KAZN: variants seen among roughly 807,000 people sequenced by gnomAD.
KAZN encodes the protein kazrin, periplakin interacting protein.
A neutral mutation model predicts 87.4 loss-of-function variants in KAZN; 40 were observed. The observed-to-expected ratio is 0.46, with a 90% CI of 0.36 to 0.60. The LOEUF (loss-of-function observed/expected upper bound fraction) is 0.60. Among genes scored for constraint, KAZN ranks in the 20% least tolerant of loss-of-function variants. The pLI is 0.00. For synonymous variants in KAZN, 466 were observed against 458.3 expected (o/e 1.02, Z -0.22); for missense variants, 898 against 1,073.9 (o/e 0.84, Z 2.29).
intron 1 of KAZN, among the ~76,000 whole-genome samples, chr1:14,826,017 T>C (rs1234736804): frequency 6.6e-6 from 1 of 152,150 alleles, no homozygotes; most frequent in Non-Finnish European, 1.5e-5. Flanking sequence ...AGAGATTCAA[T>C]TGCTCCTCAA....
intron 2 of KAZN, among the ~76,000 whole-genome samples, chr1:14,368,955 TC>T: frequency 6.6e-6 from 1 of 152,278 alleles, no homozygotes; most frequent in Non-Finnish European, 1.5e-5. Flanking sequence ...CCATTTCTGG[TC>T]CTGATCTTAT....
chr1:14,512,844 C>T (rs773659844), intron 2 of KAZN, among the ~76,000 whole-genome samples: 2 of 152,200 alleles, frequency 1.3e-5, no homozygotes, highest in South Asian at 2.1e-4. Flanking sequence ...TCAGATCTGA[C>T]AACCAGGACG....
At chr1:15,052,277 A>G (rs1163749534) in intron 4 of KAZN, among the ~76,000 whole-genome samples, 1 of 152,186 alleles carries the variant, frequency 6.6e-6, no homozygotes, top group East Asian at 1.9e-4. Flanking sequence ...AGGCCTCACA[A>G]TCATAGTGAA....
chr1:15,020,215 G>A (rs61772181), intron 2 of KAZN, among the ~76,000 whole-genome samples: 20,070 of 152,246 alleles, frequency 0.13, 1,704 homozygotes, highest in Admixed American at 0.21. Context: ...ACTAGTCACT[G>A]TTCCGAGGGC....
At chr1:14,403,740 G>C (rs983335037) in intron 2 of KAZN, among the ~76,000 whole-genome samples, 3 of 152,178 alleles carry the variant, frequency 2.0e-5, no homozygotes, top group African/African-American at 7.2e-5. Context: ...ATCTGTGGAG[G>C]AAAGTTTAAA....
At chr1:13,958,252 C>A (rs988614697) in intron 1 of KAZN, among the ~76,000 whole-genome samples, 1 of 152,158 alleles carries the variant, frequency 6.6e-6, no homozygotes, top group African/African-American at 2.4e-5. Context: ...TAGCCTTATA[C>A]TTTTCCTTAA....
At chr1:14,327,309 A>G (rs1443793643) in intron 2 of KAZN, among the ~76,000 whole-genome samples, 1 of 151,790 alleles carries the variant, frequency 6.6e-6, no homozygotes, top group Non-Finnish European at 1.5e-5. Context: ...CAGGTTGGAA[A>G]CCTCTGACCA....
intron 2 of KAZN, among the ~76,000 whole-genome samples, chr1:14,554,787 C>T (rs1557797070): frequency 6.6e-6 from 1 of 152,216 alleles, no homozygotes; most frequent in African/African-American, 2.4e-5. Flanking sequence ...GAAATCCTCT[C>T]CTATTTTCCT....
intron 1 of KAZN, among the ~76,000 whole-genome samples, chr1:14,161,515 G>A (rs182216903): frequency 2.6e-5 from 4 of 152,320 alleles, no homozygotes; most frequent in Non-Finnish European, 5.9e-5. Context: ...CACAACTTCA[G>A]TTGACTTCCT....
At chr1:14,018,765 C>G (rs1640686566) in intron 1 of KAZN, among the ~76,000 whole-genome samples, 1 of 152,196 alleles carries the variant, frequency 6.6e-6, no homozygotes, top group Non-Finnish European at 1.5e-5. Flanking sequence ...ACTCTAGGTT[C>G]TCTGGCCTTT....
chr1:15,021,126 C>G lies in KAZN; in HGVS notation c.419-13623C>G, dbSNP rs1462141506. Among the ~76,000 whole-genome samples, 1 of 152,122 alleles carries G rather than the reference C, an allele frequency of 6.6e-6. No individual in the cohort carries two copies. The highest frequency in any genetic ancestry group is 1.9e-4 in the East Asian group (1 of 5,180). On this transcript the variant is annotated intron_variant, in intron 2 of 14. Coordinates refer to ENST00000376030, the MANE Select transcript of KAZN (RefSeq NM_201628.3). This position sits in a 1 kb window ranked among gnomAD's most constrained non-coding sequence, Gnocchi z 4.2. Reference sequence around the variant, plus strand: ...AACCCAGAGAGGGTGCCTGAGTTCCCAAGGCCACACAGCATGCGGGTTTGC... The same window carrying G: ...AACCCAGAGAGGGTGCCTGAGTTCCGAAGGCCACACAGCATGCGGGTTTGC...
intron 2 of KAZN, among the ~76,000 whole-genome samples, chr1:14,533,786 TG>T (rs1672337459): frequency 1.3e-5 from 2 of 152,202 alleles, no homozygotes; most frequent in Non-Finnish European, 2.9e-5. Context: ...TAAATGACTC[TG>T]GTATATTTTA....
rs55928646 is a variant in KAZN, at chr1:14,146,536, C to CAA, written c.92-33879_92-33878dup. ...GGGCAACAAGAGTGAAACTCCATCT[C>CAA]AAAAAAAAAAAAAAAAAAAAAGAAA... is the stretch of plus-strand genomic sequence containing the variant. On this transcript the variant is annotated intron_variant, in intron 1 of 16. Coordinates refer to the KAZN transcript ENST00000636203. 2.5e-3 allele frequency among the ~76,000 whole-genome samples: 159 copies of CAA among 63,390 alleles called. 2 individuals are homozygous for CAA. Among genetic ancestry groups the CAA allele is most frequent in the East Asian group, 3.7e-3 (5 of 1,344 alleles). 41.6% of individuals were successfully genotyped at this position (63,390 alleles called of 152,430 possible).
chr1:15,094,823 G>A lies in KAZN; in HGVS notation c.1437G>A (p.Leu479=). Residue 479 remains leucine (L), a synonymous_variant, in exon 10 of 15, where the codon CTG becomes CTA. Transcript: ENST00000376030. This position sits in a 1 kb window ranked among gnomAD's most constrained non-coding sequence, Gnocchi z 4.5. The part of the protein sequence containing the change: ...TENVKSGKVL[L]SLSDEDLQLG... Reference sequence around the variant, plus strand: ...CTCCCTCCCGGGGGCAGGTGCTGCTGAGCCTGAGTGACGAGGACCTGCAGC... The same window carrying A: ...CTCCCTCCCGGGGGCAGGTGCTGCTAAGCCTGAGTGACGAGGACCTGCAGC... 6.5e-7 allele frequency: 1 copy of A among 1,549,906 alleles called. No homozygotes were observed. The highest frequency in any genetic ancestry group is 8.7e-7 in the Non-Finnish European group (1 of 1,146,236).
At chr1:14,659,970 C>T (rs1639044465) in intron 1 of KAZN, among the ~76,000 whole-genome samples, 1 of 151,148 alleles carries the variant, frequency 6.6e-6, no homozygotes, top group Non-Finnish European at 1.5e-5. Flanking sequence ...TTTTTCTTTC[C>T]CAACTGAAGG....
At chr1:14,800,278 C>G (rs377428306) in intron 1 of KAZN, among the ~76,000 whole-genome samples, 2 of 152,326 alleles carry the variant, frequency 1.3e-5, no homozygotes, top group African/African-American at 4.8e-5. Flanking sequence ...ACAAACACTC[C>G]TATGAGCGTT....
intron 1 of KAZN, among the ~76,000 whole-genome samples, chr1:14,178,825 G>A (rs1646137145): frequency 6.6e-6 from 1 of 152,028 alleles, no homozygotes; most frequent in African/African-American, 2.4e-5. Context: ...TTTTTTGGCA[G>A]GTATTTTAGT....
chr1:14,258,268 T>G (rs1451528120), intron 2 of KAZN, among the ~76,000 whole-genome samples: 3 of 148,674 alleles, frequency 2.0e-5, no homozygotes, highest in African/African-American at 7.5e-5. Context: ...CAGGCTGGAG[T>G]GCAGTGGTGC....
At chr1:14,750,424 C>G (rs540060131) in intron 1 of KAZN, among the ~76,000 whole-genome samples, 1 of 152,280 alleles carries the variant, frequency 6.6e-6, no homozygotes, top group East Asian at 1.9e-4. Flanking sequence ...CGAAGTTTTA[C>G]GTGCTCCCTA....
Sources: allele counts gnomAD v4.1 joint callset (sites outside exome capture counted in the v4.1 genomes callset), GRCh38; gene constraint gnomAD v4.1.1; non-coding constraint Gnocchi (gnomAD v3.1); transcripts MANE v1.5; gene names NCBI Gene and HGNC (gene_info 2026-07-23, HGNC 2026-07-21).